Variants in NRG3 observed in about 807,000 individuals in gnomAD.
The protein encoded by NRG3 is neuregulin 3.
NRG3 carries 31 observed loss-of-function variants against 66.9 expected under a neutral mutation model. The ratio of observed to expected loss-of-function variants is 0.46; its 90% CI spans 0.35 to 0.63. The LOEUF is 0.63. Among genes scored for constraint, NRG3 ranks in the 20% least tolerant of loss-of-function variants. NRG3 has a pLI of 0.00. For synonymous variants in NRG3, 393 were observed against 359.4 expected (o/e 1.09, Z -1.06); for missense variants, 910 against 878.9 (o/e 1.04, Z -0.45).
chr10:82,576,625 T>C (rs753113126), intron 2 of NRG3, among the ~76,000 whole-genome samples: 11 of 151,780 alleles, frequency 7.2e-5, no homozygotes, highest in Non-Finnish European at 1.2e-4. Context: ...TAGTTACTTC[T>C]TTGATATTGT....
At chr10:82,059,400 G>C (rs1216175010) in intron 1 of NRG3, among the ~76,000 whole-genome samples, 1 of 152,160 alleles carries the variant, frequency 6.6e-6, no homozygotes, top group Non-Finnish European at 1.5e-5. Context: ...ATTAGGTAAT[G>C]ACTAAGATAG....
intron 2 of NRG3, among the ~76,000 whole-genome samples, chr10:82,495,644 T>G (rs1176019853): frequency 6.6e-6 from 1 of 152,068 alleles, no homozygotes; most frequent in African/African-American, 2.4e-5. Flanking sequence ...AGGGTCTTCT[T>G]TACAAAATTA....
chr10:82,966,016 C>T (rs1195735858), intron 6 of NRG3, among the ~76,000 whole-genome samples: 1 of 152,112 alleles, frequency 6.6e-6, no homozygotes, highest in Non-Finnish European at 1.5e-5. Flanking sequence ...TTTAGGATAG[C>T]TTTCAATTTA....
chr10:82,716,210 G>C (rs905191337), intron 2 of NRG3, among the ~76,000 whole-genome samples: 2 of 152,084 alleles, frequency 1.3e-5, no homozygotes, highest in Non-Finnish European at 2.9e-5. Flanking sequence ...AAGACCTAAA[G>C]GTATGTAGAG....
At chr10:82,582,071 T>A (rs631862) in intron 2 of NRG3, among the ~76,000 whole-genome samples, 12,552 of 152,122 alleles carry the variant, frequency 0.083, 606 homozygotes, top group East Asian at 0.15. Context: ...CTTTGCCATT[T>A]CCTTATTGCT....
intron 2 of NRG3, among the ~76,000 whole-genome samples, chr10:82,522,627 G>T (rs1846303317): frequency 6.6e-6 from 1 of 151,712 alleles, no homozygotes; most frequent in Non-Finnish European, 1.5e-5. Context: ...ATACTTGGTT[G>T]CCACAAACCG....
chr10:82,017,236 C>A (rs2061827711), intron 1 of NRG3, among the ~76,000 whole-genome samples: 1 of 152,186 alleles, frequency 6.6e-6, no homozygotes, highest in African/African-American at 2.4e-5. Flanking sequence ...TTTCCAGCTT[C>A]ATCCATGTCC....
intron 1 of NRG3, among the ~76,000 whole-genome samples, chr10:82,162,476 G>T (rs2071676404): frequency 6.6e-6 from 1 of 152,060 alleles, no homozygotes; most frequent in Admixed American, 6.6e-5. Context: ...GTTTGCAAAA[G>T]TCAGCCACTG....
chr10:82,904,616 T>C (rs1267134332), intron 4 of NRG3, among the ~76,000 whole-genome samples: 1 of 152,110 alleles, frequency 6.6e-6, no homozygotes, highest in Non-Finnish European at 1.5e-5. Flanking sequence ...GTTTGTGAGA[T>C]TTGAAGGAAT....
At chr10:82,191,774 C>G (rs906871396) in intron 1 of NRG3, among the ~76,000 whole-genome samples, 1 of 152,144 alleles carries the variant, frequency 6.6e-6, no homozygotes, top group Non-Finnish European at 1.5e-5. Flanking sequence ...TTACCAAACA[C>G]TGTTCTTGTC....
At chr10:82,678,750 A>G (rs2053898979) in intron 2 of NRG3, among the ~76,000 whole-genome samples, 1 of 151,474 alleles carries the variant, frequency 6.6e-6, no homozygotes, top group African/African-American at 2.4e-5. Context: ...GGACATTACC[A>G]GAGTTTTTTT....
chr10:82,231,044 A>T (rs2076430687), intron 1 of NRG3, among the ~76,000 whole-genome samples: 1 of 152,164 alleles, frequency 6.6e-6, no homozygotes, highest in Non-Finnish European at 1.5e-5. Flanking sequence ...GAAATGTAGG[A>T]TTATAAATAT....
At chr10:82,235,463 A>G (rs1376549208) in intron 1 of NRG3, among the ~76,000 whole-genome samples, 5 of 152,210 alleles carry the variant, frequency 3.3e-5, no homozygotes, top group African/African-American at 1.2e-4. Context: ...GATTTTGTTT[A>G]CATCTTCCAA....
At chr10:82,124,173 G>C (rs2068275469) in intron 1 of NRG3, among the ~76,000 whole-genome samples, 1 of 151,984 alleles carries the variant, frequency 6.6e-6, no homozygotes, top group African/African-American at 2.4e-5. Context: ...AAAGGTGTAG[G>C]TTATTGGGAA....
intron 1 of NRG3, among the ~76,000 whole-genome samples, chr10:82,089,511 G>T (rs2065910781): frequency 6.6e-6 from 1 of 152,136 alleles, no homozygotes; most frequent in Admixed American, 6.5e-5. Flanking sequence ...GCCAGGGGGT[G>T]GAGTGGTGAG....
At chr10:82,220,104 A>G (rs2075866582) in intron 1 of NRG3, among the ~76,000 whole-genome samples, 1 of 152,054 alleles carries the variant, frequency 6.6e-6, no homozygotes, top group Admixed American at 6.6e-5. Flanking sequence ...AAAGTGAGAT[A>G]ATCATTTTGC....
At chr10:82,630,588 G>A (rs1378347323) in intron 2 of NRG3, among the ~76,000 whole-genome samples, 1 of 151,930 alleles carries the variant, frequency 6.6e-6, no homozygotes, top group Non-Finnish European at 1.5e-5. Flanking sequence ...TGAGGCAGGA[G>A]AGTCACTTGA....
intron 1 of NRG3, among the ~76,000 whole-genome samples, chr10:81,958,328 C>G (rs751322348): frequency 6.6e-6 from 1 of 152,110 alleles, no homozygotes; most frequent in Admixed American, 6.6e-5. Flanking sequence ...AGGAAAAACA[C>G]GTTTATAAGC....
intron 1 of NRG3, among the ~76,000 whole-genome samples, chr10:82,358,483 T>G (rs1311353652): frequency 6.6e-6 from 1 of 152,138 alleles, no homozygotes; most frequent in Non-Finnish European, 1.5e-5. Flanking sequence ...CTTTTAGTGT[T>G]TACTTGTCCA....
Sources: allele counts gnomAD v4.1 joint callset (sites outside exome capture counted in the v4.1 genomes callset), GRCh38; gene constraint gnomAD v4.1.1; transcripts MANE v1.5; gene names NCBI Gene and HGNC (gene_info 2026-07-23, HGNC 2026-07-21).